MAP4K3: variants seen among roughly 807,000 people sequenced by gnomAD.
The protein encoded by MAP4K3 is MAPK/ERK kinase kinase kinase 3.
Under a neutral mutation model 143.5 loss-of-function variants are expected in MAP4K3, and 94 were observed. That is an observed-to-expected ratio of 0.65 (90% CI 0.55 to 0.78). MAP4K3 has a LOEUF of 0.78. Among genes scored for constraint, MAP4K3 ranks in the 30% least tolerant of loss-of-function variants. The pLI is 0.00. For missense variants in MAP4K3, 1,077 were observed against 1,068.1 expected (o/e 1.01, Z -0.12); for synonymous variants, 416 against 347.2 (o/e 1.20, Z -2.20).
chr2:39,362,784 C>T (rs537647427), intron 2 of MAP4K3, among the ~76,000 whole-genome samples: 1 of 152,160 alleles, frequency 6.6e-6, no homozygotes, highest in African/African-American at 2.4e-5. Context: ...TCTCACACTC[C>T]TGGTTTCAAA....
At chr2:39,384,857 C>T (rs1666453803) in intron 1 of MAP4K3, among the ~76,000 whole-genome samples, 1 of 152,154 alleles carries the variant, frequency 6.6e-6, no homozygotes, top group African/African-American at 2.4e-5. Context: ...CCACCACCAC[C>T]ACCATCAGGA....
intron 24 of MAP4K3, among the ~76,000 whole-genome samples, chr2:39,275,487 T>C (rs1469349736): frequency 6.6e-6 from 1 of 152,048 alleles, no homozygotes; most frequent in Admixed American, 6.6e-5. Flanking sequence ...GTCTCAAAAA[T>C]AACAACAACA....
intron 2 of MAP4K3, 35 bp from the exon 3 acceptor site, chr2:39,356,374 G>T: frequency 8.3e-7 from 1 of 1,204,360 alleles, no homozygotes; most frequent in East Asian, 2.4e-5. Context: ...AATATTTAGA[G>T]GTAAGTTTCA....
chr2:39,412,242 G>T (rs1015119634), intron 1 of MAP4K3, among the ~76,000 whole-genome samples: 1 of 152,116 alleles, frequency 6.6e-6, no homozygotes, highest in African/African-American at 2.4e-5. Context: ...CACCAAATTG[G>T]ATCTACAGGA....
chr2:39,398,073 A>C (rs1039558575), intron 1 of MAP4K3, among the ~76,000 whole-genome samples: 1 of 152,208 alleles, frequency 6.6e-6, no homozygotes, highest in Non-Finnish European at 1.5e-5. Context: ...CAGGGAATCC[A>C]ATAATATCAA....
intron 3 of MAP4K3, among the ~76,000 whole-genome samples, chr2:39,353,916 C>A (rs1024705458): frequency 4.6e-5 from 7 of 152,158 alleles, no homozygotes; most frequent in African/African-American, 1.7e-4. Flanking sequence ...GATGAGGAAA[C>A]AGAGGCACAA....
intron 1 of MAP4K3, among the ~76,000 whole-genome samples, chr2:39,379,436 T>C (rs1056028756): frequency 6.6e-6 from 1 of 152,030 alleles, no homozygotes; most frequent in Non-Finnish European, 1.5e-5. Context: ...AAATTAAACT[T>C]AATTTCCATA....
At chr2:39,394,486 G>A (rs1558685290) in intron 1 of MAP4K3, among the ~76,000 whole-genome samples, 1 of 152,138 alleles carries the variant, frequency 6.6e-6, no homozygotes, top group Non-Finnish European at 1.5e-5. Context: ...TTTTGCTTAG[G>A]TAATTATTTC....
intron 26 of MAP4K3, among the ~76,000 whole-genome samples, chr2:39,271,522 G>A (rs1194882081): frequency 6.6e-6 from 1 of 152,086 alleles, no homozygotes; most frequent in Non-Finnish European, 1.5e-5. Context: ...ATTAAATAAC[G>A]AAAGAACAGA....
intron 1 of MAP4K3, among the ~76,000 whole-genome samples, chr2:39,379,406 G>C (rs914361082): frequency 2.6e-5 from 4 of 151,974 alleles, no homozygotes; most frequent in African/African-American, 9.7e-5. Flanking sequence ...CAGTACAAAA[G>C]AGATTTGAAG....
chr2:39,341,635 G>A (rs892929494), intron 4 of MAP4K3, among the ~76,000 whole-genome samples: 4 of 150,408 alleles, frequency 2.7e-5, no homozygotes, highest in South Asian at 4.2e-4. Context: ...CAGCCTGCGC[G>A]ACAGAGCAAG....
intron 1 of MAP4K3, among the ~76,000 whole-genome samples, chr2:39,424,704 C>A (rs1665008371): frequency 6.6e-6 from 1 of 151,520 alleles, no homozygotes; most frequent in South Asian, 2.1e-4. Context: ...GTGGTGGACA[C>A]CTGTAGTCCC....
At chr2:39,326,086 A>G in intron 9 of MAP4K3, 60 bp downstream of exon 9, 2 of 1,575,882 alleles carry the variant, frequency 1.3e-6, no homozygotes, top group Non-Finnish European at 1.7e-6. Flanking sequence ...CTTGTTCATG[A>G]CAGCATACTA....
chr2:39,387,542 A>T (rs1005137332), intron 1 of MAP4K3, among the ~76,000 whole-genome samples: 1 of 152,276 alleles, frequency 6.6e-6, no homozygotes, highest in African/African-American at 2.4e-5. Context: ...AAATACTGAG[A>T]AATAGCACCA....
At chr2:39,303,698 C>G (rs1413935755) in intron 15 of MAP4K3, among the ~76,000 whole-genome samples, 1 of 152,096 alleles carries the variant, frequency 6.6e-6, no homozygotes, top group African/African-American at 2.4e-5. Context: ...ACCACCATGC[C>G]CAGCTAATTT....
At chr2:39,295,171 T>C (rs907248075) in intron 16 of MAP4K3, among the ~76,000 whole-genome samples, 10 of 152,094 alleles carry the variant, frequency 6.6e-5, no homozygotes, top group African/African-American at 9.7e-5. Context: ...CACTGACATA[T>C]ATAATAAAAC....
At chr2:39,277,241 G>T (rs1259431183) in intron 24 of MAP4K3, among the ~76,000 whole-genome samples, 1 of 152,174 alleles carries the variant, frequency 6.6e-6, no homozygotes, top group Non-Finnish European at 1.5e-5. Flanking sequence ...CTGTACTCCA[G>T]TCAAATGCCC....
At chr2:39,384,459 TC>T (rs1428975165) in intron 1 of MAP4K3, among the ~76,000 whole-genome samples, 13 of 152,360 alleles carry the variant, frequency 8.5e-5, no homozygotes, top group African/African-American at 3.1e-4. Context: ...GACAGGAGAA[TC>T]GCTTGAACCC....
chr2:39,254,536 A>G lies in MAP4K3; in HGVS notation c.2471-16T>C. The G allele has an allele frequency of 6.2e-7, 1 of 1,607,328 alleles. No homozygotes were observed. Among genetic ancestry groups the G allele is most frequent in the Non-Finnish European group, 8.5e-7 (1 of 1,174,740 alleles). On this transcript the variant is annotated splice_polypyrimidine_tract_variant and intron_variant, in intron 31 of 33. Coordinates refer to ENST00000263881, the MANE Select transcript of MAP4K3 (RefSeq NM_003618.4). Reference sequence around the variant, plus strand: ...TGTAGGCACACTAGCAGGCAAGAACAGCTCAATTACTGTTAATAGTACAAA... The same window carrying G: ...TGTAGGCACACTAGCAGGCAAGAACGGCTCAATTACTGTTAATAGTACAAA...
Sources: allele counts gnomAD v4.1 joint callset (sites outside exome capture counted in the v4.1 genomes callset), GRCh38; gene constraint gnomAD v4.1.1; transcripts MANE v1.5; gene names NCBI Gene and HGNC (gene_info 2026-07-23, HGNC 2026-07-21).